COG5: variants seen among roughly 807,000 people sequenced by gnomAD.
The protein encoded by COG5 is component of oligomeric golgi complex 5, also known as conserved oligomeric Golgi complex subunit 5.
A neutral mutation model predicts 110.4 loss-of-function variants in COG5; 86 were observed. That is an observed-to-expected ratio of 0.78 (90% CI 0.65 to 0.93). The LOEUF is 0.93. Among genes scored for constraint, COG5 ranks in the 40% least tolerant of loss-of-function variants. COG5 has a pLI of 0.00. For synonymous variants in COG5, 360 were observed against 334.6 expected (o/e 1.08, Z -0.83); for missense variants, 1,077 against 987.0 (o/e 1.09, Z -1.22).
intron 6 of COG5, among the ~76,000 whole-genome samples, chr7:107,416,742 A>T (rs1792876910): frequency 6.6e-6 from 1 of 152,206 alleles, no homozygotes; most frequent in Non-Finnish European, 1.5e-5. Context: ...TAATAAGACA[A>T]ATCAGTTAAA....
At chr7:107,264,952 GA>G (rs966480450) in intron 14 of COG5, among the ~76,000 whole-genome samples, 13 of 148,400 alleles carry the variant, frequency 8.8e-5, no homozygotes, top group African/African-American at 2.2e-4. Flanking sequence ...AAAAAGACTG[GA>G]AAAAAAAAGC....
intron 5 of COG5, among the ~76,000 whole-genome samples, chr7:107,540,028 A>G (rs1466234852): frequency 1.3e-5 from 2 of 152,202 alleles, no homozygotes; most frequent in Admixed American, 6.5e-5. Context: ...TGGGAAGTAG[A>G]GATTACATTT....
At chr7:107,453,370 T>C (rs1795463781) in intron 6 of COG5, among the ~76,000 whole-genome samples, 1 of 152,158 alleles carries the variant, frequency 6.6e-6, no homozygotes, top group South Asian at 2.1e-4. Flanking sequence ...CTGAGGAATA[T>C]ATAGATAACT....
In COG5 at chr7:107,288,957, TA is replaced by T. The variant is rs1805923778; in HGVS notation, c.1314-5226del. ...ATATATATATATATATATATATATA[TA>T]TATATTTAAAAATTTATCTATATTT... On this transcript the variant is annotated intron_variant, in intron 12 of 21. Coordinates refer to ENST00000297135, the MANE Select transcript of COG5 (RefSeq NM_006348.5). Among the ~76,000 whole-genome samples, 7 of 121,356 alleles carry T rather than the reference TA, an allele frequency of 5.8e-5. No homozygotes were observed. The East Asian group carries it at 1.5e-3, about 25-fold the overall frequency. The allele number at this position is 121,356 out of a possible 152,430, so 79.6% of individuals were successfully genotyped here.
chr7:107,457,156 G>A (rs1029751867), intron 6 of COG5, among the ~76,000 whole-genome samples: 3 of 152,018 alleles, frequency 2.0e-5, no homozygotes, highest in Non-Finnish European at 4.4e-5. Flanking sequence ...TATATTCACA[G>A]ATTTAAAGAA....
Position 107,202,781 on chromosome 7 carries a change from C to T in COG5, c.*735G>A, listed in dbSNP as rs976625406. 1.3e-5 allele frequency: 2 copies of T among 152,124 alleles called. No homozygotes were observed. Among genetic ancestry groups the T allele is most frequent in the East Asian group, 1.9e-4 (1 of 5,200 alleles). The allele number at this position is 152,124 out of a possible 1,614,324, so 9.4% of individuals were successfully genotyped here. ...ATACAATAAAAATTTTTATTTTTCA[C>T]GTGGCATTTTTGTTACACGGTTAAA... On this transcript the variant is annotated 3_prime_UTR_variant, in exon 22 of 22. Coordinates refer to ENST00000297135, the MANE Select transcript of COG5 (RefSeq NM_006348.5).
intron 6 of COG5, among the ~76,000 whole-genome samples, chr7:107,430,644 A>G (rs1793964268): frequency 6.6e-6 from 1 of 152,198 alleles, no homozygotes; most frequent in Non-Finnish European, 1.5e-5. Flanking sequence ...TATCTGCAGC[A>G]AACACCAATT....
At chr7:107,563,292 T>A (rs1584974248) in intron 1 of COG5, among the ~76,000 whole-genome samples, 1 of 150,714 alleles carries the variant, frequency 6.6e-6, no homozygotes, top group Non-Finnish European at 1.5e-5. Flanking sequence ...AACTGCCTCA[T>A]AAAGGAGGAA....
chr7:107,307,436 G>A (rs565294909), intron 11 of COG5, among the ~76,000 whole-genome samples: 1 of 152,306 alleles, frequency 6.6e-6, no homozygotes, highest in African/African-American at 2.4e-5. Flanking sequence ...ATAATGTAGA[G>A]AGAATAGTAT....
chr7:107,550,500 T>C (rs1215812973), intron 3 of COG5, among the ~76,000 whole-genome samples: 1 of 152,204 alleles, frequency 6.6e-6, no homozygotes. Context: ...ACATCAGCTA[T>C]TCTGGGCTAC....
intron 14 of COG5, among the ~76,000 whole-genome samples, chr7:107,269,715 GCTTATTATTA>G (rs1411137108): frequency 6.6e-6 from 1 of 152,198 alleles, no homozygotes; most frequent in Non-Finnish European, 1.5e-5. Flanking sequence ...AATGTTTTGT[GCTTATTATTA>G]CTTATTATTA....
At chr7:107,205,961 T>TA (rs1443899904) in intron 21 of COG5, among the ~76,000 whole-genome samples, 1 of 151,802 alleles carries the variant, frequency 6.6e-6, no homozygotes, top group African/African-American at 2.4e-5. Context: ...GCTGTTTTTT[T>TA]TTTTTTTTTA....
chr7:107,276,235 C>T lies in COG5; in HGVS notation c.1575+5065G>A, dbSNP rs1325917832. Reference sequence around the variant, plus strand: ...TACCCTTCAGTTTTTAAAAGGGATACTTATTAATATATTTGCCTCCAAAGT... The same window carrying T: ...TACCCTTCAGTTTTTAAAAGGGATATTTATTAATATATTTGCCTCCAAAGT... On this transcript the variant is annotated intron_variant, in intron 14 of 21. Coordinates refer to ENST00000297135, the MANE Select transcript of COG5 (RefSeq NM_006348.5). Among the ~76,000 whole-genome samples the T allele has an allele frequency of 1.2e-4, 19 of 152,122 alleles. 1 individual carries two copies.
At chr7:107,404,885 GAA>G (rs59988899) in intron 7 of COG5, among the ~76,000 whole-genome samples, 1,236 of 32,350 alleles carry the variant, frequency 0.038, 9 homozygotes, top group African/African-American at 0.11. Context: ...TTCAGAAGAT[GAA>G]AAAAAAAAAA....
intron 10 of COG5, among the ~76,000 whole-genome samples, chr7:107,338,494 AT>A (rs1224729061): frequency 5.3e-5 from 8 of 152,130 alleles, no homozygotes; most frequent in Non-Finnish European, 2.9e-5. Context: ...ATACATAAAA[AT>A]TAACTTAAAA....
intron 12 of COG5, among the ~76,000 whole-genome samples, chr7:107,287,086 T>G (rs1185694244): frequency 6.6e-6 from 1 of 152,148 alleles, no homozygotes; most frequent in Non-Finnish European, 1.5e-5. Context: ...AAAGAAAGGC[T>G]GGAGTTTATT....
At chr7:107,510,608 C>A (rs761307928) in intron 6 of COG5, among the ~76,000 whole-genome samples, 1 of 152,172 alleles carries the variant, frequency 6.6e-6, no homozygotes, top group Non-Finnish European at 1.5e-5. Flanking sequence ...CTTTTCAGCA[C>A]CACACCACAC....
rs756825951 is a variant in COG5 at position 107,210,608 on chromosome 7, G to T, written c.2296-3C>A. 1.3e-6 allele frequency: 2 copies of T among 1,597,184 alleles called. No homozygotes were observed. The highest frequency in any genetic ancestry group is 1.7e-6 in the Non-Finnish European group (2 of 1,171,136). On this transcript the variant is annotated splice_polypyrimidine_tract_variant and splice_region_variant and intron_variant, in intron 20 of 21. Transcript: ENST00000297135. The stretch of plus-strand genomic sequence containing the variant: ...CGTGTGTGGGACCACTCTGCCCTCT[G>T]CAGGGTTGAAACACAATTAGAGAGA...
In COG5 at chr7:107,546,439, T is replaced by TG. The variant is rs1164668931; in HGVS notation, c.417+1671_417+1672insC. Among the ~76,000 whole-genome samples, 43 of 146,258 alleles carry TG rather than the reference T, an allele frequency of 2.9e-4. No individual in the cohort carries two copies. The Middle Eastern group carries it at 0.011, about 36-fold the overall frequency. Reference sequence around the variant, plus strand: ...AGAGTTGTGTTTTGGTTTTTTGTTTTTTTTTTTTTTTTTTGAGACAAGGTC... The same window carrying TG: ...AGAGTTGTGTTTTGGTTTTTTGTTTTGTTTTTTTTTTTTTTGAGACAAGGTC... On this transcript the variant is annotated intron_variant, in intron 5 of 21. Coordinates refer to ENST00000297135, the MANE Select transcript of COG5 (RefSeq NM_006348.5).
Sources: allele counts gnomAD v4.1 joint callset (sites outside exome capture counted in the v4.1 genomes callset), GRCh38; gene constraint gnomAD v4.1.1; transcripts MANE v1.5; gene names NCBI Gene and HGNC (gene_info 2026-07-23, HGNC 2026-07-21).